The following BBX variants were observed in gnomAD, a reference collection of about 807,000 sequenced individuals.
The protein encoded by BBX is HMG box transcription factor BBX.
In BBX, 30 loss-of-function variants were observed where a neutral mutation model predicts 100.2. The ratio of observed to expected loss-of-function variants is 0.30; its 90% CI spans 0.22 to 0.41. BBX has a LOEUF of 0.41. Ranked by LOEUF, BBX falls within the 10% of genes least tolerant of loss-of-function variation. BBX has a pLI of 1.00. For synonymous variants in BBX, 376 were observed against 388.1 expected (o/e 0.97, Z 0.37); for missense variants, 1,023 against 1,129.8 (o/e 0.91, Z 1.35).
chr3:107,701,177 T>G (rs901079394), intron 3 of BBX, among the ~76,000 whole-genome samples: 1 of 152,194 alleles, frequency 6.6e-6, no homozygotes, highest in Non-Finnish European at 1.5e-5. Context: ...TGATTTGCAT[T>G]TCTCTGATGG....
chr3:107,630,091 T>C (rs2056451704), intron 2 of BBX, among the ~76,000 whole-genome samples: 1 of 152,208 alleles, frequency 6.6e-6, no homozygotes, highest in Admixed American at 6.5e-5. Context: ...TCAGTCCTTC[T>C]ATATCCATAG....
intron 2 of BBX, among the ~76,000 whole-genome samples, chr3:107,590,568 G>T (rs2107588733): frequency 6.6e-6 from 1 of 152,206 alleles, no homozygotes; most frequent in African/African-American, 2.4e-5. Flanking sequence ...ACCTCCATAA[G>T]ATCCTTGTTT....
At chr3:107,763,299 A>G (rs1403346608) in intron 10 of BBX, among the ~76,000 whole-genome samples, 1 of 148,414 alleles carries the variant, frequency 6.7e-6, no homozygotes, top group Non-Finnish European at 1.5e-5. Context: ...ATCTCGGCTC[A>G]CTGCAAGCTC....
chr3:107,630,395 C>T (rs2056470980), intron 2 of BBX, among the ~76,000 whole-genome samples: 1 of 152,078 alleles, frequency 6.6e-6, no homozygotes, highest in Non-Finnish European at 1.5e-5. Context: ...CCTCCTCCTC[C>T]CCACTCCTTT....
chr3:107,747,989 G>T lies in BBX; in HGVS notation c.775G>T (p.Asp259Tyr). ...GATATCTTCAAGTACGTCCCACTCT[G>T]ATGCTTCTACAAAGCAGTGTCAAAC... ...AEISSSTSHS[D>Y]ASTKQCQTSA... The change falls in exon 9 of 18, where the codon GAT becomes TAT. Residue 259 changes from aspartate (D) to tyrosine (Y), a missense_variant. Transcript: ENST00000325805. 1.2e-6 allele frequency: 2 copies of T among 1,613,280 alleles called. No homozygotes were observed. Among genetic ancestry groups the T allele is most frequent in the East Asian group, 4.5e-5 (2 of 44,798 alleles).
chr3:107,627,712 G>A (rs913759469), intron 2 of BBX, among the ~76,000 whole-genome samples: 1 of 151,556 alleles, frequency 6.6e-6, no homozygotes, highest in African/African-American at 2.4e-5. Context: ...ACTATTGATA[G>A]TGATATAGGT....
At chr3:107,541,820 A>ATT (rs5851557) in intron 2 of BBX, among the ~76,000 whole-genome samples, 1 of 144,960 alleles carries the variant, frequency 6.9e-6, no homozygotes, top group African/African-American at 2.5e-5. Context: ...AAATTCTATA[A>ATT]TTTTTTTTTT....
chr3:107,734,439 A>G (rs2063515017), intron 7 of BBX, among the ~76,000 whole-genome samples: 1 of 152,202 alleles, frequency 6.6e-6, no homozygotes. Context: ...GTCAGGCATC[A>G]TTTCACTTTC....
At chr3:107,571,686 C>T (rs1210907026) in intron 2 of BBX, among the ~76,000 whole-genome samples, 1 of 152,236 alleles carries the variant, frequency 6.6e-6, no homozygotes, top group Non-Finnish European at 1.5e-5. Context: ...AAGGAGTCCT[C>T]CTGTCCCAGG....
At chr3:107,794,491 C>A (rs1373169388) in intron 15 of BBX, among the ~76,000 whole-genome samples, 2 of 151,958 alleles carry the variant, frequency 1.3e-5, no homozygotes, top group African/African-American at 2.4e-5. Context: ...AAATTCACTT[C>A]TTTGCAGTGT....
At chr3:107,636,937 C>T (rs549065782) in intron 2 of BBX, among the ~76,000 whole-genome samples, 1 of 152,210 alleles carries the variant, frequency 6.6e-6, no homozygotes, top group South Asian at 2.1e-4. Flanking sequence ...CTAGGTGTTT[C>T]TAGTGTGGTG....
intron 10 of BBX, among the ~76,000 whole-genome samples, chr3:107,761,662 G>T (rs2065909633): frequency 6.6e-6 from 1 of 152,162 alleles, no homozygotes; most frequent in South Asian, 2.1e-4. Context: ...CAAAGAGTAA[G>T]CCCTGCTAGT....
chr3:107,584,165 ATTATTATATATATTATATATAATATATG>A lies in BBX; in HGVS notation c.-84+57768_-84+57795del, dbSNP rs1461445417. 7.3e-4 allele frequency among the ~76,000 whole-genome samples: 16 copies of A among 22,034 alleles called. 2 individuals carry two copies. Among genetic ancestry groups the A allele is most frequent in the African/African-American group, 5.2e-3 (15 of 2,900 alleles). 14.5% of individuals were successfully genotyped at this position (22,034 alleles called of 152,430 possible). On this transcript the variant is annotated intron_variant, in intron 2 of 17. Transcript: ENST00000325805. The stretch of plus-strand genomic sequence containing the variant: ...ATTATATATAATATATGATATATAT[ATTATTATATATATTATATATAATATATG>A]ATATATATATTATTATATATATTAT...
intron 2 of BBX, among the ~76,000 whole-genome samples, chr3:107,601,212 C>G (rs1270736220): frequency 2.0e-5 from 3 of 152,180 alleles, no homozygotes; most frequent in African/African-American, 7.2e-5. Flanking sequence ...CTTTCTCCCT[C>G]AGGCCTCCCG....
At chr3:107,740,051 G>A (rs1005947762) in intron 7 of BBX, among the ~76,000 whole-genome samples, 1 of 151,902 alleles carries the variant, frequency 6.6e-6, no homozygotes, top group African/African-American at 2.4e-5. Context: ...CTTCCATTTA[G>A]CCAGATGACT....
At chr3:107,581,503 G>A (rs909322717) in intron 2 of BBX, among the ~76,000 whole-genome samples, 3 of 151,260 alleles carry the variant, frequency 2.0e-5, no homozygotes, top group Non-Finnish European at 4.4e-5. Context: ...GCAGTACTTT[G>A]CATATACTAG....
At chr3:107,690,361 A>G (rs753513633) in intron 3 of BBX, among the ~76,000 whole-genome samples, 2 of 152,194 alleles carry the variant, frequency 1.3e-5, no homozygotes, top group Non-Finnish European at 2.9e-5. Context: ...ACATAATGCC[A>G]TTGTGTAAAT....
intron 2 of BBX, among the ~76,000 whole-genome samples, chr3:107,611,139 A>C (rs1055653515): frequency 6.6e-6 from 1 of 152,114 alleles, no homozygotes; most frequent in African/African-American, 2.4e-5. Context: ...TGTATGCTTT[A>C]ATTTCATATC....
At chr3:107,794,105 A>G (rs1388248239) in intron 15 of BBX, among the ~76,000 whole-genome samples, 2 of 152,172 alleles carry the variant, frequency 1.3e-5, no homozygotes, top group Non-Finnish European at 2.9e-5. Flanking sequence ...ATGGTGCCAT[A>G]TGCTCATGCT....
Sources: gnomAD v4.1 joint callset for allele counts (sites outside exome capture counted in the v4.1 genomes callset) on GRCh38, gnomAD v4.1.1 for gene constraint, MANE v1.5 for transcripts, NCBI Gene and HGNC (gene_info 2026-07-23, HGNC 2026-07-21) for gene names.